Variants in USP34 observed in about 807,000 individuals in gnomAD.
USP34 encodes the protein ubiquitin specific peptidase 34, also known as ubiquitin carboxyl-terminal hydrolase 34.
In USP34, 70 loss-of-function variants were observed where a neutral mutation model predicts 460.3. That is an observed-to-expected ratio of 0.15 (90% CI 0.13 to 0.19). USP34 has a LOEUF of 0.19. Ranked by LOEUF, USP34 falls within the 10% of genes least tolerant of loss-of-function variation. The probability of loss-of-function intolerance (pLI) is 1.00; values close to 1 mark genes in which losing one functional copy is unlikely to be tolerated. For synonymous variants in USP34, 1,647 were observed against 1,405.3 expected (o/e 1.17, Z -3.85); for missense variants, 3,985 against 4,236.2 (o/e 0.94, Z 1.65).
At chr2:61,251,312 A>C (rs1190941320) in intron 48 of USP34, among the ~76,000 whole-genome samples, 1 of 152,220 alleles carries the variant, frequency 6.6e-6, no homozygotes. Context: ...ACTATATTTC[A>C]AAAGAATGAA....
At chr2:61,387,802 A>AT (rs1417549168) in intron 5 of USP34, among the ~76,000 whole-genome samples, 9 of 147,934 alleles carry the variant, frequency 6.1e-5, no homozygotes, top group Admixed American at 2.0e-4. Context: ...GTAAAAATAT[A>AT]TTTTACGTAT....
At chr2:61,243,765 G>A (rs1382803132) in intron 51 of USP34, among the ~76,000 whole-genome samples, 1 of 151,530 alleles carries the variant, frequency 6.6e-6, no homozygotes, top group East Asian at 2.0e-4. Flanking sequence ...CAGCTATTCG[G>A]GAGGCCGAGG....
intron 57 of USP34, among the ~76,000 whole-genome samples, chr2:61,234,964 G>A (rs1688022013): frequency 6.6e-6 from 1 of 151,954 alleles, no homozygotes; most frequent in South Asian, 2.1e-4. Flanking sequence ...TAAATTCTGG[G>A]GATCTTATGT....
At chr2:61,426,779 G>A (rs915206043) in intron 1 of USP34, among the ~76,000 whole-genome samples, 3 of 152,142 alleles carry the variant, frequency 2.0e-5, no homozygotes, top group African/African-American at 4.8e-5. Flanking sequence ...CTAATTTCAA[G>A]ACTGACCCAG....
At chr2:61,239,299 G>GTC (rs1553355577) in intron 53 of USP34, among the ~76,000 whole-genome samples, 110 of 69,160 alleles carry the variant, frequency 1.6e-3, no homozygotes, top group African/African-American at 4.3e-3. Context: ...TGAGGGCCCT[G>GTC]TCACACACAC....
chr2:61,310,533 C>T (rs995962761), intron 27 of USP34, among the ~76,000 whole-genome samples: 1 of 150,970 alleles, frequency 6.6e-6, no homozygotes, highest in African/African-American at 2.4e-5. Context: ...TATATATATA[C>T]ATATACATCT....
At chr2:61,325,826 A>G (rs1413475978) in intron 20 of USP34, among the ~76,000 whole-genome samples, 1 of 152,234 alleles carries the variant, frequency 6.6e-6, no homozygotes, top group East Asian at 1.9e-4. Context: ...ACTTCATATC[A>G]TAGTCCCTTT....
At chr2:61,260,974 T>C (rs185163039) in intron 43 of USP34, among the ~76,000 whole-genome samples, 19 of 152,216 alleles carry the variant, frequency 1.2e-4, no homozygotes, top group Non-Finnish European at 2.5e-4. Context: ...CTTAAAAAAT[T>C]GTGTTCACAT....
At chr2:61,220,112 GTGA>G in intron 67 of USP34, 195 bp downstream of exon 67, 1 of 430,968 alleles carries the variant, frequency 2.3e-6, no homozygotes, top group Non-Finnish European at 3.7e-6. Context: ...AATGATAGTA[GTGA>G]TGATGTTACC....
intron 39 of USP34, among the ~76,000 whole-genome samples, chr2:61,279,472 AC>A (rs1421512518): frequency 6.6e-6 from 1 of 152,094 alleles, no homozygotes; most frequent in African/African-American, 2.4e-5. Context: ...TTTGAAATTT[AC>A]TTTTTTTTTG....
At chr2:61,234,853 C>T (rs556259866) in intron 57 of USP34, among the ~76,000 whole-genome samples, 2 of 152,134 alleles carry the variant, frequency 1.3e-5, no homozygotes, top group Non-Finnish European at 2.9e-5. Context: ...CCGGGCTGGT[C>T]TTGAACTCCT....
At chr2:61,351,898 G>A (rs1335453947) in intron 10 of USP34, among the ~76,000 whole-genome samples, 1 of 152,108 alleles carries the variant, frequency 6.6e-6, no homozygotes, top group Admixed American at 6.5e-5. Context: ...AAGGACAAGT[G>A]AATACTCAGT....
intron 10 of USP34, among the ~76,000 whole-genome samples, chr2:61,358,637 A>C (rs1692179450): frequency 6.6e-6 from 1 of 152,216 alleles, no homozygotes; most frequent in African/African-American, 2.4e-5. Context: ...CTAGACAAAA[A>C]TATGAAAGGC....
intron 1 of USP34, among the ~76,000 whole-genome samples, chr2:61,435,712 A>G (rs1234648186): frequency 1.3e-5 from 2 of 152,188 alleles, no homozygotes; most frequent in Admixed American, 1.3e-4. Flanking sequence ...TTGAGCACAA[A>G]TGATTTAAAT....
At chr2:61,356,520 C>A (rs1238675475) in intron 10 of USP34, among the ~76,000 whole-genome samples, 1 of 151,706 alleles carries the variant, frequency 6.6e-6, no homozygotes, top group Non-Finnish European at 1.5e-5. Context: ...CACTGCAATA[C>A]TATTCATCCT....
chr2:61,194,558 C>T (rs1008482865), intron 75 of USP34, among the ~76,000 whole-genome samples: 2 of 152,148 alleles, frequency 1.3e-5, no homozygotes, highest in Non-Finnish European at 2.9e-5. Flanking sequence ...AGTGCAGTGG[C>T]GTGATCACAG....
intron 1 of USP34, among the ~76,000 whole-genome samples, chr2:61,464,557 C>G (rs930506084): frequency 2.6e-5 from 4 of 151,118 alleles, no homozygotes; most frequent in African/African-American, 9.7e-5. Context: ...ACCCACCAAA[C>G]GAATACACAG....
At chr2:61,440,635 A>G (rs1418419992) in intron 1 of USP34, among the ~76,000 whole-genome samples, 1 of 150,746 alleles carries the variant, frequency 6.6e-6, no homozygotes, top group Non-Finnish European at 1.5e-5. Flanking sequence ...CTCCTGCCTC[A>G]GCCTACCAAG....
At chr2:61,253,022 T>C (rs779512913) in intron 48 of USP34, among the ~76,000 whole-genome samples, 2 of 152,326 alleles carry the variant, frequency 1.3e-5, no homozygotes, top group African/African-American at 2.4e-5. Flanking sequence ...ATTATGGTGA[T>C]TGATAAGTTA....
Sources: allele counts gnomAD v4.1 joint callset (sites outside exome capture counted in the v4.1 genomes callset), GRCh38; gene constraint gnomAD v4.1.1; transcripts MANE v1.5; gene names NCBI Gene and HGNC (gene_info 2026-07-23, HGNC 2026-07-21).